The following TENM3 variants were observed in gnomAD, a reference collection of about 807,000 sequenced individuals.
TENM3 encodes the protein teneurin-3.
A neutral mutation model predicts 255.1 loss-of-function variants in TENM3; 63 were observed. The ratio of observed to expected loss-of-function variants is 0.25; its 90% CI spans 0.20 to 0.30. The LOEUF is 0.30. TENM3 is among the 10% of genes least tolerant of loss of function. TENM3 has a pLI of 1.00. For missense variants in TENM3, 2,929 were observed against 3,461.1 expected, an observed-to-expected ratio of 0.85 and a Z score of 3.86; for synonymous variants, 1,306 against 1,322.3, an observed-to-expected ratio of 0.99 and a Z score of 0.27.
intron 3 of TENM3, among the ~76,000 whole-genome samples, chr4:182,542,323 T>C (rs1740962683): frequency 1.3e-5 from 2 of 152,130 alleles, no homozygotes; most frequent in African/African-American, 4.8e-5. Context: ...TAGCAGACGA[T>C]TTTCCTTTGT....
At position 182,161,823 on chromosome 4, in the gene TENM3, A is replaced by G. The variant is rs535625526; in HGVS notation, c.-76+17069A>G. Among the ~76,000 whole-genome samples the G allele has an allele frequency of 8.4e-5, 3 of 35,860 alleles. 1 individual carries two copies. The South Asian group carries it at 2.7e-3, about 33-fold the overall frequency. The allele number at this position is 35,860 out of a possible 152,430, so 23.5% of individuals were successfully genotyped here. Reference sequence around the variant, plus strand: ...TATATACACATATATATGTATATATATACACATATATATGTGTATATATAC... The same window carrying G: ...TATATACACATATATATGTATATATGTACACATATATATGTGTATATATAC... On this transcript the variant is annotated intron_variant, in intron 1 of 2. Transcript: ENST00000512480.
chr4:182,044,842 A>G, the TENM3 span, among the ~76,000 whole-genome samples: 1 of 152,280 alleles, frequency 6.6e-6, no homozygotes, highest in African/African-American at 2.4e-5. Context: ...CCCACATGAT[A>G]CTCAAGACGG....
At chr4:182,740,807 C>T (rs1761544202) in intron 18 of TENM3, among the ~76,000 whole-genome samples, 1 of 152,144 alleles carries the variant, frequency 6.6e-6, no homozygotes, top group Middle Eastern at 3.2e-3. Context: ...TGGGTAACTT[C>T]TATTAAAATA....
At chr4:182,556,532 A>T (rs988934600) in intron 3 of TENM3, among the ~76,000 whole-genome samples, 2 of 152,276 alleles carry the variant, frequency 1.3e-5, no homozygotes, top group Admixed American at 1.3e-4. Context: ...AAAAAATAAA[A>T]TTTTTCTTTT....
At chr4:182,400,710 C>T (rs1769162587) in intron 3 of TENM3, among the ~76,000 whole-genome samples, 1 of 152,064 alleles carries the variant, frequency 6.6e-6, no homozygotes, top group Admixed American at 6.6e-5. Context: ...ATTTTTAAAG[C>T]TCTGTTTTTC....
intron 17 of TENM3, 129 bp downstream of exon 17, chr4:182,737,204 T>A: frequency 4.0e-6 from 4 of 988,946 alleles, no homozygotes; most frequent in East Asian, 2.4e-5. Context: ...CCTAGGGATA[T>A]TATACCTTGG....
intron 1 of TENM3, among the ~76,000 whole-genome samples, chr4:182,213,936 G>A (rs1022822983): frequency 2.0e-5 from 3 of 151,950 alleles, no homozygotes; most frequent in Non-Finnish European, 4.4e-5. Flanking sequence ...CGAGTAGCTG[G>A]GACTACAGGC....
chr4:181,492,805 T>G, the TENM3 span, among the ~76,000 whole-genome samples: 2 of 152,146 alleles, frequency 1.3e-5, no homozygotes, highest in East Asian at 3.8e-4. Context: ...TAGATAAACT[T>G]TAGTTCTCTT....
chr4:182,525,882 AAC>A (rs1226671062), intron 3 of TENM3, among the ~76,000 whole-genome samples: 2 of 152,246 alleles, frequency 1.3e-5, no homozygotes, highest in African/African-American at 4.8e-5. Context: ...TAATCAGGAA[AAC>A]ACTGAACAAC....
chr4:181,817,594 G>A, the TENM3 span, among the ~76,000 whole-genome samples: 22 of 152,112 alleles, frequency 1.4e-4, no homozygotes, highest in African/African-American at 5.3e-4. Flanking sequence ...AACAGTATTG[G>A]GAGGTGTGCC....
chr4:182,524,550 A>G (rs1738944892), intron 3 of TENM3, among the ~76,000 whole-genome samples: 1 of 151,584 alleles, frequency 6.6e-6, no homozygotes, highest in African/African-American at 2.4e-5. Context: ...TTGTAGAGGC[A>G]GAGTTTTGCT....
intron 1 of TENM3, among the ~76,000 whole-genome samples, chr4:182,161,734 C>A (rs1185968297): frequency 1.4e-5 from 1 of 72,044 alleles, no homozygotes; most frequent in African/African-American, 7.0e-5. Flanking sequence ...TATATATATA[C>A]ACAAATATAT....
intron 1 of TENM3, among the ~76,000 whole-genome samples, chr4:182,312,372 GAAATA>G (rs1051699689): frequency 6.6e-6 from 1 of 152,034 alleles, no homozygotes; most frequent in Non-Finnish European, 1.5e-5. Flanking sequence ...AAAAAATAAA[GAAATA>G]AAATAGAATA....
the TENM3 span, among the ~76,000 whole-genome samples, chr4:181,718,564 G>T: frequency 6.6e-6 from 1 of 152,274 alleles, no homozygotes; most frequent in Admixed American, 6.5e-5. Flanking sequence ...GCCAGGATTT[G>T]AATTCAGAAT....
At chr4:181,458,457 C>A in the TENM3 span, among the ~76,000 whole-genome samples, 4 of 151,874 alleles carry the variant, frequency 2.6e-5, no homozygotes, top group African/African-American at 9.7e-5. Context: ...TTGGGTGAAA[C>A]GTCCTCTTGG....
At chr4:181,536,383 G>A in the TENM3 span, among the ~76,000 whole-genome samples, 26 of 152,198 alleles carry the variant, frequency 1.7e-4, no homozygotes, top group Admixed American at 3.3e-4. Flanking sequence ...GACAAATCCT[G>A]CCCCAGCTCT....
At chr4:181,753,118 G>C in the TENM3 span, among the ~76,000 whole-genome samples, 6 of 152,110 alleles carry the variant, frequency 3.9e-5, no homozygotes, top group African/African-American at 2.4e-5. Context: ...AAAAAAAATC[G>C]ACTCAAAGGA....
the TENM3 span, among the ~76,000 whole-genome samples, chr4:181,647,205 AT>A: frequency 6.6e-6 from 1 of 152,184 alleles, no homozygotes; most frequent in Non-Finnish European, 1.5e-5. Context: ...TCACAGATAA[AT>A]TTTTACGTAG....
chr4:182,051,523 G>A, the TENM3 span, among the ~76,000 whole-genome samples: 5 of 151,508 alleles, frequency 3.3e-5, no homozygotes, highest in South Asian at 2.1e-4. Context: ...GACTACAGGC[G>A]CCTGCCACCG....
Sources: allele counts gnomAD v4.1 joint callset (sites outside exome capture counted in the v4.1 genomes callset), GRCh38; gene constraint gnomAD v4.1.1; transcripts MANE v1.5; gene names NCBI Gene and HGNC (gene_info 2026-07-23, HGNC 2026-07-21).